Variants in PPP2R3B observed in about 807,000 individuals in gnomAD.
The protein encoded by PPP2R3B is serine/threonine-protein phosphatase 2A regulatory subunit B'' subunit beta.
PPP2R3B carries 68 observed loss-of-function variants against 72.9 expected under a neutral mutation model. That is an observed-to-expected ratio of 0.93 (90% confidence interval 0.77 to 1.14). The LOEUF is 1.14. Among genes scored for constraint, PPP2R3B ranks in the 50% most tolerant of loss-of-function variants. The pLI is 0.00. For synonymous variants in PPP2R3B, 466 were observed against 375.8 expected, an observed-to-expected ratio of 1.24 and a Z score of -2.78; for missense variants, 1,018 against 842.0, an observed-to-expected ratio of 1.21 and a Z score of -2.59.
intron 1 of PPP2R3B, among the ~76,000 whole-genome samples, chrX:371,838 T>C (rs2071873629): frequency 1.8e-5 from 2 of 112,968 alleles, no homozygotes; most frequent in South Asian, 6.3e-4. Flanking sequence ...TACCCCCAAA[T>C]ATGCCTGTAA....
intron 3 of PPP2R3B, 126 bp from the exon 4 acceptor site, chrX:347,462 G>A: frequency 7.4e-7 from 1 of 1,343,858 alleles, no homozygotes; most frequent in South Asian, 1.2e-5. Flanking sequence ...ACGACGGCCA[G>A]GCCTGTGCCC....
chrX:345,380 G>C (rs1603050343), intron 7 of PPP2R3B, 136 bp downstream of exon 7: 3 of 1,198,218 alleles, frequency 2.5e-6, no homozygotes, highest in Non-Finnish European at 3.6e-6. Flanking sequence ...GACACAGAGC[G>C]GCGAGTGCGA....
chrX:359,832 A>C (rs1178838104), intron 2 of PPP2R3B: 3 of 514,478 alleles, frequency 5.8e-6, no homozygotes, highest in African/African-American at 5.8e-5. Context: ...AAAGCTATGG[A>C]AACTATTACC....
chrX:386,886 C>T lies in PPP2R3B; in HGVS notation c.-195G>A, dbSNP rs1190305219. On this transcript the variant is annotated 5_prime_UTR_variant, in exon 1 of 13. Transcript: ENST00000390665. ...GACCGAGGAGGGGGCGCGGTCCGGC[C>T]CGCGCTGCTCAGGGCAGCTTCAAAA... The T allele has an allele frequency of 1.0e-5, 2 of 195,102 alleles. No individual in the cohort carries two copies. Among genetic ancestry groups the T allele is most frequent in the African/African-American group, 4.7e-5 (2 of 42,368 alleles). 12.1% of individuals were successfully genotyped at this position (195,102 alleles called of 1,614,324 possible).
At chrX:381,629 T>A (rs778580367) in intron 1 of PPP2R3B, among the ~76,000 whole-genome samples, 1 of 144,582 alleles carries the variant, frequency 6.9e-6, no homozygotes, top group Admixed American at 7.0e-5. Context: ...GACAGAGTCT[T>A]GCTCTGTCAC....
chrX:373,048 G>A (rs2071900750), intron 1 of PPP2R3B, among the ~76,000 whole-genome samples: 1 of 152,220 alleles, frequency 6.6e-6, no homozygotes. Flanking sequence ...CAGTGGGAAG[G>A]AATGCTGGGT....
At position 364,328 on chromosome X, in the gene PPP2R3B, G is replaced by A. The variant is rs190579551; in HGVS notation, c.325-2738C>T. 1.3e-3 allele frequency among the ~76,000 whole-genome samples: 191 copies of A among 152,032 alleles called. 2 individuals carry two copies. Among genetic ancestry groups the A allele is most frequent in the African/African-American group, 4.4e-3 (181 of 41,508 alleles). On this transcript the variant is annotated intron_variant, in intron 1 of 12. Transcript: ENST00000390665. ...CCCCCGAGAACTGACGGCTACAGCC[G>A]ACTCTCCTGCAGGTTTGCAAACCAA...
chrX:350,956 T>G (rs1294120408), intron 2 of PPP2R3B, among the ~76,000 whole-genome samples: 2 of 151,866 alleles, frequency 1.3e-5, no homozygotes, highest in South Asian at 2.1e-4. Flanking sequence ...GAGCAGGGAC[T>G]GGAGGAATAA....
At chrX:364,293 G>C (rs972321790) in intron 1 of PPP2R3B, among the ~76,000 whole-genome samples, 5 of 152,136 alleles carry the variant, frequency 3.3e-5, no homozygotes, top group Admixed American at 6.5e-5. Context: ...GCTGGGCAGG[G>C]GGGAGTTCTC....
At chrX:371,109 C>T (rs1006816847) in intron 1 of PPP2R3B, among the ~76,000 whole-genome samples, 2 of 151,984 alleles carry the variant, frequency 1.3e-5, no homozygotes, top group Admixed American at 6.5e-5. Context: ...TGCTGTTGCC[C>T]GGGGACAGAA....
At chrX:338,417 C>T (rs1264257727) in intron 12 of PPP2R3B, 187 bp downstream of exon 12, 1 of 643,538 alleles carries the variant, frequency 1.6e-6, no homozygotes, top group East Asian at 2.7e-5. Flanking sequence ...CCGGCCCTGT[C>T]ATCGGCTGTC....
chrX:356,383 T>A (rs2071435172), intron 2 of PPP2R3B, among the ~76,000 whole-genome samples: 1 of 152,096 alleles, frequency 6.6e-6, no homozygotes, highest in Non-Finnish European at 1.5e-5. Context: ...ACCTGGCTAA[T>A]TTTTGTATTT....
intron 2 of PPP2R3B, among the ~76,000 whole-genome samples, chrX:352,505 G>T (rs2071351575): frequency 1.1e-5 from 1 of 87,750 alleles, no homozygotes; most frequent in African/African-American, 4.7e-5. Flanking sequence ...ATGCGTGTGG[G>T]ACTCACACAC....
At chrX:360,236 TAAAA>T (rs1315618900) in intron 2 of PPP2R3B, among the ~76,000 whole-genome samples, 1 of 152,062 alleles carries the variant, frequency 6.6e-6, no homozygotes, top group Admixed American at 6.6e-5. Context: ...ATTAATAAGT[TAAAA>T]AAACAAAACC....
chrX:362,476 G>C (rs1462606104), intron 1 of PPP2R3B: 1 of 152,438 alleles, frequency 6.6e-6, no homozygotes, highest in African/African-American at 2.4e-5. Flanking sequence ...AGGGAACGGG[G>C]CTGTGTCCTT....
chrX:349,658 T>C (rs1380001744), intron 2 of PPP2R3B, among the ~76,000 whole-genome samples: 1 of 152,172 alleles, frequency 6.6e-6, no homozygotes, highest in Non-Finnish European at 1.5e-5. Flanking sequence ...TTCAGCAAAG[T>C]TGCTGGATCC....
At chrX:358,491 C>T (rs1286056685) in intron 2 of PPP2R3B, among the ~76,000 whole-genome samples, 2 of 144,270 alleles carry the variant, frequency 1.4e-5, no homozygotes, top group Admixed American at 7.2e-5. Flanking sequence ...GGTGCAGACG[C>T]TGCAAGCGAC....
intron 1 of PPP2R3B, among the ~76,000 whole-genome samples, chrX:363,919 C>A: frequency 6.6e-6 from 1 of 152,242 alleles, no homozygotes; most frequent in East Asian, 1.9e-4. Flanking sequence ...CACAAACCAA[C>A]CTTCCTGATG....
chrX:341,690 C>T (rs2071081076), intron 8 of PPP2R3B, 193 bp downstream of exon 8: 4 of 710,580 alleles, frequency 5.6e-6, no homozygotes, highest in East Asian at 2.7e-5. Flanking sequence ...CCTCAGACTT[C>T]GCGTGACAGT....
Sources: gnomAD v4.1 joint callset for allele counts (sites outside exome capture counted in the v4.1 genomes callset) on GRCh38, gnomAD v4.1.1 for gene constraint, MANE v1.5 for transcripts, NCBI Gene and HGNC (gene_info 2026-07-23, HGNC 2026-07-21) for gene names.